Variants in KEAP1 observed in about 807,000 individuals in gnomAD.
The protein encoded by KEAP1 is kelch-like ECH-associated protein 1.
Under a neutral mutation model 59.7 loss-of-function variants are expected in KEAP1, and 26 were observed. That is an observed-to-expected ratio of 0.44 (90% CI 0.32 to 0.60). The LOEUF (loss-of-function observed/expected upper bound fraction) is 0.60. KEAP1 is among the 20% of genes least tolerant of loss of function. The pLI is 0.06. For missense variants in KEAP1, 539 were observed against 871.4 expected, an observed-to-expected ratio of 0.62 and a Z score of 4.80; for synonymous variants, 350 against 358.3, an observed-to-expected ratio of 0.98 and a Z score of 0.26.
Position 10,502,822 on chromosome 19 carries a change from G to A in KEAP1, c.-48+419C>T, listed in dbSNP as rs1021241779. The A allele has an allele frequency of 6.6e-6, 1 of 152,050 alleles. No individual in the cohort carries two copies. Among genetic ancestry groups the A allele is most frequent in the Non-Finnish European group, 1.5e-5 (1 of 67,990 alleles). 9.4% of individuals were successfully genotyped at this position (152,050 alleles called of 1,614,324 possible). ...CTAAGCAGAGCCGGGCGCCCGCCGT[G>A]TCACAATAAAAGTCCCCGGGCCCTG... On this transcript the variant is annotated intron_variant, in intron 1 of 5. Coordinates refer to ENST00000171111, the MANE Select transcript of KEAP1 (RefSeq NM_203500.2). The surrounding 1 kb of genome is among the most constrained non-coding windows in gnomAD (Gnocchi z 4.0).
chr19:10,498,256 A>G (rs1451157406), intron 2 of KEAP1, among the ~76,000 whole-genome samples: 1 of 145,980 alleles, frequency 6.9e-6, no homozygotes, highest in Admixed American at 7.1e-5. Context: ...CTGGAGTGCA[A>G]TGGTGCGATC....
In KEAP1 at chr19:10,494,456, G is replaced by A. The variant is rs761215868; in HGVS notation, c.640-2194C>T. On this transcript the variant is annotated intron_variant, in intron 2 of 5. Coordinates refer to ENST00000171111, the MANE Select transcript of KEAP1 (RefSeq NM_203500.2). ...CGCCATTCTCCTGCCTCAGCCTCCC[G>A]AGTAGCTGGGACTACAGGCGCCCAC... Among the ~76,000 whole-genome samples the A allele has an allele frequency of 1.6e-3, 234 of 142,578 alleles. 1 individual carries two copies. Among genetic ancestry groups the A allele is most frequent in the Non-Finnish European group, 1.0e-3 (68 of 66,440 alleles). The allele number at this position is 142,578 out of a possible 152,430, so 93.5% of individuals were successfully genotyped here. A position where few individuals can be genotyped will look rare whatever the true frequency, so the allele number is the denominator to read the frequency against.
At chr19:10,496,286 A>G (rs1399303190) in intron 2 of KEAP1, among the ~76,000 whole-genome samples, 2 of 152,024 alleles carry the variant, frequency 1.3e-5, no homozygotes, top group Admixed American at 6.6e-5. Context: ...ACTTGAGGTC[A>G]GGAGTTCAAG....
In KEAP1 at chr19:10,492,184, G is replaced by C; in HGVS notation, c.718C>G (p.Arg240Gly). ...GCGTGGAAGACCTCGGACTCGCAGC[G>C]CACGTTCAGGTCGTCCCGGCTGATG... ...TLISRDDLNV[R>G]CESEVFHACI... is the part of the protein sequence containing the mutation. The change falls in exon 3 of 6, where the codon CGC becomes GGC. Residue 240 changes from arginine to glycine, a missense_variant. Coordinates refer to ENST00000171111, the MANE Select transcript of KEAP1 (RefSeq NM_203500.2). The C allele has an allele frequency of 6.2e-7, 1 of 1,614,072 alleles. No homozygotes were observed. The highest frequency in any genetic ancestry group is 8.5e-7 in the Non-Finnish European group (1 of 1,180,018).
At chr19:10,495,787 C>T (rs377617715) in intron 2 of KEAP1, among the ~76,000 whole-genome samples, 1 of 152,042 alleles carries the variant, frequency 6.6e-6, no homozygotes, top group East Asian at 1.9e-4. Context: ...TTGGGCAAAT[C>T]TCTGAAATGC....
intron 5 of KEAP1, among the ~76,000 whole-genome samples, chr19:10,487,537 TCTC>T (rs1914506986): frequency 6.6e-6 from 1 of 151,622 alleles, no homozygotes; most frequent in Non-Finnish European, 1.5e-5. Context: ...ACGCCTGTAA[TCTC>T]AGCTACCTGG....
Position 10,491,666 on chromosome 19 carries a change from G to A in KEAP1, c.1236C>T (p.Pro412=), listed in dbSNP as rs1357726724. Residue 412 remains proline (P), a synonymous_variant, in exon 3 of 6, where the codon CCC becomes CCT. Coordinates refer to ENST00000171111, the MANE Select transcript of KEAP1 (RefSeq NM_203500.2). The surrounding 1 kb of genome is among the most constrained non-coding windows in gnomAD (Gnocchi z 5.2). ...QWSPCAPMSV[P]RNRIGVGVID... is the part of the protein sequence containing the mutation. ...TGACCCCCACCCCGATGCGGTTACG[G>A]GGCACGCTCATGGGGGCGCAGGGCG... 3.1e-6 allele frequency: 5 copies of A among 1,589,070 alleles called. No individual in the cohort carries two copies. The highest frequency in any genetic ancestry group is 4.3e-6 in the Non-Finnish European group (5 of 1,168,936).
At chr19:10,500,368 G>A (rs529016511) in intron 1 of KEAP1, among the ~76,000 whole-genome samples, 4 of 152,214 alleles carry the variant, frequency 2.6e-5, no homozygotes, top group South Asian at 2.1e-4. Flanking sequence ...AAAGCCCTAC[G>A]CAATTAGCCC....
At chr19:10,489,118 A>T (rs2144585318) in intron 5 of KEAP1, 74 bp downstream of exon 5, 2 of 1,086,852 alleles carry the variant, frequency 1.8e-6, no homozygotes, top group Non-Finnish European at 2.5e-6. Flanking sequence ...AAAAAAAAAA[A>T]AAGGAAAGCA....
At chr19:10,500,200 A>G in intron 1 of KEAP1, 120 bp from the exon 2 acceptor site, 1 of 725,088 alleles carries the variant, frequency 1.4e-6, no homozygotes, top group Non-Finnish European at 2.2e-6. Context: ...TAGGTGAAGC[A>G]GAATCCATTT....
In KEAP1 at chr19:10,486,804, G is replaced by T; in HGVS notation, c.1723C>A (p.His575Asn). Residue 575 changes from histidine (H) to asparagine (N), a missense_variant, in exon 6 of 6, where the codon CAC becomes AAC. This residue lies in a region of KEAP1 where 311 missense variants were observed against 425.2 expected (regional missense o/e 0.73). Coordinates refer to ENST00000171111, the MANE Select transcript of KEAP1 (RefSeq NM_203500.2). ...CACTCCACACTGTCCAGGAACGTGT[G>T]ACCATCATAGCCTCCTGCGGGAAGA... ...RIYVLGGYDG[H>N]TFLDSVECYD... 6.2e-7 allele frequency: 1 copy of T among 1,613,478 alleles called. No individual in the cohort carries two copies. The highest frequency in any genetic ancestry group is 1.1e-5 in the South Asian group (1 of 90,998).
At position 10,491,474 on chromosome 19, in the gene KEAP1, A is replaced by C; in HGVS notation, c.1325+103T>G. 1 of 999,346 alleles carries C rather than the reference A, an allele frequency of 1.0e-6. No homozygotes were observed. The highest frequency in any genetic ancestry group is 1.4e-6 in the Non-Finnish European group (1 of 722,422). The allele number at this position is 999,346 out of a possible 1,614,324, so 61.9% of individuals were successfully genotyped here. A position where few individuals can be genotyped will look rare whatever the true frequency, so the allele number is the denominator to read the frequency against. ...ATCCTGAGGCCTCCACTCCCTGAAG[A>C]CAGGAAGAGGAAACAGCCTCAGGAA... On this transcript the variant is annotated intron_variant, in intron 3 of 5. Transcript: ENST00000171111. This position sits in a 1 kb window ranked among gnomAD's most constrained non-coding sequence, Gnocchi z 5.2.
intron 5 of KEAP1, among the ~76,000 whole-genome samples, chr19:10,488,770 A>T (rs1914561828): frequency 6.6e-6 from 1 of 151,782 alleles, no homozygotes; most frequent in South Asian, 2.1e-4. Flanking sequence ...GTCTCTACTA[A>T]AATACAAAAA....
intron 2 of KEAP1, chr19:10,492,495 G>C (rs1599484953): frequency 1.9e-6 from 1 of 517,346 alleles, no homozygotes; most frequent in South Asian, 2.1e-5. Context: ...GAGGCTGGCG[G>C]ATCACGAGGT....
rs532194715 is a variant in KEAP1, at chr19:10,491,753, C to A, written c.1149G>T (p.Ser383=). 8 of 1,567,012 alleles carry A rather than the reference C, an allele frequency of 5.1e-6. No individual in the cohort carries two copies. The highest frequency in any genetic ancestry group is 6.9e-6 in the Non-Finnish European group (8 of 1,155,700). ...CGCTGGAGTCGGTGTTGCCGTCGGGCGAGTTGTTCCTGCCGCCCACGGCGT... is the reference window on the plus strand; with the variant it reads ...CGCTGGAGTCGGTGTTGCCGTCGGGAGAGTTGTTCCTGCCGCCCACGGCGT... ...LLYAVGGRNN[S]PDGNTDSSAL... The change falls in exon 3 of 6, where the codon TCG becomes TCT. Residue 383 remains serine, a synonymous_variant. Transcript: ENST00000171111. This position sits in a 1 kb window ranked among gnomAD's most constrained non-coding sequence, Gnocchi z 5.2.
chr19:10,500,357 C>A (rs966305118), intron 1 of KEAP1, among the ~76,000 whole-genome samples: 1 of 152,160 alleles, frequency 6.6e-6, no homozygotes, highest in South Asian at 2.1e-4. Context: ...CAACAGCCTG[C>A]AAAGCCCTAC....
chr19:10,491,562 G>T lies in KEAP1; in HGVS notation c.1325+15C>A. On this transcript the variant is annotated intron_variant, in intron 3 of 5. Coordinates refer to ENST00000171111, the MANE Select transcript of KEAP1 (RefSeq NM_203500.2). The surrounding 1 kb of genome is among the most constrained non-coding windows in gnomAD (Gnocchi z 5.2). ...GCAGGACCCTCCGAGCCCACCCCCA[G>T]GCCCTGCCACTCACCTCTCCACACT... The T allele has an allele frequency of 6.7e-7, 1 of 1,499,174 alleles. No individual in the cohort carries two copies. The highest frequency in any genetic ancestry group is 1.4e-5 in the South Asian group (1 of 73,514). 92.9% of individuals were successfully genotyped at this position (1,499,174 alleles called of 1,614,324 possible).
Position 10,491,639 on chromosome 19 carries a change from G to A in KEAP1, c.1263C>T (p.Ile421=), listed in dbSNP as rs771836406. ...CGCCGACGGCATAGATGTGGCCATCGATGACCCCCACCCCGATGCGGTTAC... is the reference window on the plus strand; with the variant it reads ...CGCCGACGGCATAGATGTGGCCATCAATGACCCCCACCCCGATGCGGTTAC... ...VPRNRIGVGV[I]DGHIYAVGGS... The change falls in exon 3 of 6, where the codon ATC becomes ATT. Residue 421 remains isoleucine, a synonymous_variant. Coordinates refer to ENST00000171111, the MANE Select transcript of KEAP1 (RefSeq NM_203500.2). This position sits in a 1 kb window ranked among gnomAD's most constrained non-coding sequence, Gnocchi z 5.2. 4 of 1,594,486 alleles carry A rather than the reference G, an allele frequency of 2.5e-6. No individual in the cohort carries two copies. The highest frequency in any genetic ancestry group is 2.6e-6 in the Non-Finnish European group (3 of 1,171,142).
chr19:10,499,903 G>C lies in KEAP1; in HGVS notation c.131C>G (p.Pro44Arg), dbSNP rs2144630096. The C allele has an allele frequency of 1.2e-6, 2 of 1,613,244 alleles. No homozygotes were observed. Among genetic ancestry groups the C allele is most frequent in the Non-Finnish European group, 1.7e-6 (2 of 1,179,748 alleles). The change falls in exon 2 of 6, where the codon CCC becomes CGC. Residue 44 changes from proline to arginine, a missense_variant. Physicochemically the swap from Pro to Arg is moderately radical, Grantham distance 103. Transcript: ENST00000171111. The surrounding 1 kb of genome is among the most constrained non-coding windows in gnomAD (Gnocchi z 6.7). The stretch of plus-strand genomic sequence containing the variant: ...GAAGGTGCGGTTGCCATGCTGGGAG[G>C]GCGTCACCTCCGCCTTGCACTCAGT... ...ASTECKAEVT[P>R]SQHGNRTFSY...
Sources: allele counts gnomAD v4.1 joint callset (sites outside exome capture counted in the v4.1 genomes callset), GRCh38; gene constraint gnomAD v4.1.1; regional missense constraint gnomAD v4.1.1; non-coding constraint Gnocchi (gnomAD v3.1); transcripts MANE v1.5; gene names NCBI Gene and HGNC (gene_info 2026-07-23, HGNC 2026-07-21).